The following RABGAP1L variants were observed in gnomAD, a reference collection of about 807,000 sequenced individuals.
RABGAP1L encodes RAB GTPase activating protein 1 like, also known as rab GTPase-activating protein 1-like.
RABGAP1L carries 63 observed loss-of-function variants against 137.7 expected under a neutral mutation model. That is an observed-to-expected ratio of 0.46 (90% confidence interval 0.37 to 0.56). The LOEUF is 0.56. Among genes scored for constraint, RABGAP1L ranks in the 20% least tolerant of loss-of-function variants. RABGAP1L has a pLI of 0.00. For missense variants in RABGAP1L, 1,095 were observed against 1,244.0 expected, an observed-to-expected ratio of 0.88 and a Z score of 1.80; for synonymous variants, 431 against 433.7, an observed-to-expected ratio of 0.99 and a Z score of 0.08.
chr1:174,927,162 A>G (rs6675528), intron 19 of RABGAP1L, among the ~76,000 whole-genome samples: 58,834 of 151,828 alleles, frequency 0.39, 14,256 homozygotes, highest in African/African-American at 0.69. Context: ...TTTCACTGTT[A>G]AAGATTTTGT....
At chr1:174,764,645 C>A (rs779152147) in intron 18 of RABGAP1L, among the ~76,000 whole-genome samples, 15 of 152,324 alleles carry the variant, frequency 9.8e-5, no homozygotes, top group South Asian at 4.1e-4. Flanking sequence ...GGGTCTCACT[C>A]TGTTGCCCAG....
intron 11 of RABGAP1L, among the ~76,000 whole-genome samples, chr1:174,355,539 A>G (rs1683558871): frequency 6.6e-6 from 1 of 151,846 alleles, no homozygotes; most frequent in Non-Finnish European, 1.5e-5. Context: ...GGTGCAGCAC[A>G]CCAACATGGC....
chr1:174,798,758 C>G (rs1028735846), intron 18 of RABGAP1L, among the ~76,000 whole-genome samples: 7 of 152,174 alleles, frequency 4.6e-5, no homozygotes, highest in Admixed American at 4.6e-4. Context: ...CCTTGTTTCT[C>G]TTTGTACCAT....
chr1:174,612,454 T>G (rs1322365429), intron 13 of RABGAP1L, among the ~76,000 whole-genome samples: 1 of 152,240 alleles, frequency 6.6e-6, no homozygotes, highest in Non-Finnish European at 1.5e-5. Context: ...TGGATTCGGT[T>G]TGCCAGTATT....
At chr1:174,934,923 A>G (rs934411020) in intron 19 of RABGAP1L, 3 of 152,248 alleles carry the variant, frequency 2.0e-5, no homozygotes, top group African/African-American at 7.2e-5. Context: ...TGAGAATAAG[A>G]AAGTTTTATC....
chr1:174,433,443 G>A (rs905396111), intron 13 of RABGAP1L, among the ~76,000 whole-genome samples: 30 of 152,118 alleles, frequency 2.0e-4, no homozygotes, highest in Admixed American at 1.5e-3. Flanking sequence ...AAATATACAC[G>A]TAAATTAGTA....
intron 13 of RABGAP1L, among the ~76,000 whole-genome samples, chr1:174,558,647 T>C (rs1667027058): frequency 1.3e-5 from 2 of 152,230 alleles, no homozygotes; most frequent in South Asian, 4.1e-4. Context: ...TTAACCATAC[T>C]GTGTCTCTTA....
intron 13 of RABGAP1L, among the ~76,000 whole-genome samples, chr1:174,619,544 T>C (rs2148260649): frequency 6.6e-6 from 1 of 152,260 alleles, no homozygotes; most frequent in South Asian, 2.1e-4. Flanking sequence ...AAACTAAGCT[T>C]CATAAGTGAA....
chr1:174,426,922 G>A (rs374387959), intron 13 of RABGAP1L, among the ~76,000 whole-genome samples: 13 of 152,038 alleles, frequency 8.6e-5, no homozygotes, highest in African/African-American at 3.1e-4. Flanking sequence ...AAAGTGAATG[G>A]GAAGATCAGT....
At chr1:174,229,065 G>A (rs1040995316) in intron 3 of RABGAP1L, among the ~76,000 whole-genome samples, 4 of 151,868 alleles carry the variant, frequency 2.6e-5, no homozygotes, top group Non-Finnish European at 4.4e-5. Context: ...GGAATTGGGC[G>A]AAGCAATCGT....
intron 13 of RABGAP1L, among the ~76,000 whole-genome samples, chr1:174,632,973 G>C (rs76392047): frequency 6.6e-6 from 1 of 151,972 alleles, no homozygotes; most frequent in Non-Finnish European, 1.5e-5. Flanking sequence ...GGCGCTCTGC[G>C]TTTTAGAGTT....
chr1:174,290,671 ATTG>A (rs1676509581), intron 10 of RABGAP1L, among the ~76,000 whole-genome samples: 1 of 151,076 alleles, frequency 6.6e-6, no homozygotes, highest in Non-Finnish European at 1.5e-5. Flanking sequence ...TTAATTTTTT[ATTG>A]TTTATTTTTA....
intron 14 of RABGAP1L, among the ~76,000 whole-genome samples, chr1:174,677,017 T>A (rs1489023142): frequency 1.3e-5 from 2 of 152,120 alleles, no homozygotes; most frequent in African/African-American, 2.4e-5. Flanking sequence ...TTGTCCCACT[T>A]ACGGCATAAG....
intron 12 of RABGAP1L, among the ~76,000 whole-genome samples, chr1:174,386,620 G>T (rs936856580): frequency 6.6e-6 from 1 of 151,930 alleles, no homozygotes; most frequent in East Asian, 1.9e-4. Flanking sequence ...TGATTCTCCT[G>T]CCTCAGCCTC....
At chr1:174,184,690 G>A (rs1666664075) in intron 1 of RABGAP1L, among the ~76,000 whole-genome samples, 1 of 152,162 alleles carries the variant, frequency 6.6e-6, no homozygotes, top group African/African-American at 2.4e-5. Context: ...ATTAATATTT[G>A]CAGGTTGATC....
chr1:174,364,317 G>A (rs571833537), intron 11 of RABGAP1L, among the ~76,000 whole-genome samples: 14 of 135,286 alleles, frequency 1.0e-4, no homozygotes, highest in African/African-American at 3.8e-4. Context: ...TGCAGTGGCG[G>A]GATCTCGGCT....
Position 174,741,955 on chromosome 1 carries a change from C to T in RABGAP1L, c.2170-10358C>T, listed in dbSNP as rs143940213. Among the ~76,000 whole-genome samples, 712 of 144,670 alleles carry T rather than the reference C, an allele frequency of 4.9e-3. 4 individuals carry two copies. The highest frequency in any genetic ancestry group is 0.017 in the African/African-American group (679 of 38,828). 94.9% of individuals were successfully genotyped at this position (144,670 alleles called of 152,430 possible). A position where few individuals can be genotyped will look rare whatever the true frequency, so the allele number is the denominator to read the frequency against. On this transcript the variant is annotated intron_variant, in intron 17 of 25. Coordinates refer to ENST00000681986, the MANE Select transcript of RABGAP1L (RefSeq NM_001366446.1). ...TTGGGAGGCTGAGGTGGGAGGATTGCTTGAGCCTGGAAGGTTGAGGCTGTG... is the reference window on the plus strand; with the variant it reads ...TTGGGAGGCTGAGGTGGGAGGATTGTTTGAGCCTGGAAGGTTGAGGCTGTG...
chr1:174,984,465 G>C (rs1671420838), intron 24 of RABGAP1L, among the ~76,000 whole-genome samples: 1 of 152,216 alleles, frequency 6.6e-6, no homozygotes, highest in Admixed American at 6.5e-5. Flanking sequence ...GTTGGGCCAG[G>C]TGTGGTGGCT....
chr1:174,496,190 G>A (rs1273863563), intron 13 of RABGAP1L, among the ~76,000 whole-genome samples: 1 of 152,066 alleles, frequency 6.6e-6, no homozygotes, highest in Non-Finnish European at 1.5e-5. Flanking sequence ...ATACTCTATG[G>A]TGTAGAAAGG....
Sources: gnomAD v4.1 joint callset for allele counts (sites outside exome capture counted in the v4.1 genomes callset) on GRCh38, gnomAD v4.1.1 for gene constraint, MANE v1.5 for transcripts, NCBI Gene and HGNC (gene_info 2026-07-23, HGNC 2026-07-21) for gene names.